BTBD9: variants seen among roughly 807,000 people sequenced by gnomAD.
BTBD9 encodes the protein BTB/POZ domain-containing protein 9.
BTBD9 carries 49 observed loss-of-function variants against 64.3 expected under a neutral mutation model. The ratio of observed to expected loss-of-function variants is 0.76; its 90% confidence interval spans 0.61 to 0.97. BTBD9 has a LOEUF of 0.97. Ranked by LOEUF, BTBD9 falls within the 50% of genes least tolerant of loss-of-function variation. The pLI, the probability that BTBD9 is intolerant of heterozygous loss-of-function variation, is 0.00. For synonymous variants in BTBD9, 260 were observed against 274.7 expected (o/e 0.95, Z 0.53); for missense variants, 598 against 762.1 (o/e 0.78, Z 2.53).
chr6:38,435,104 G>C (rs1317720022), intron 6 of BTBD9, among the ~76,000 whole-genome samples: 1 of 144,372 alleles, frequency 6.9e-6, no homozygotes, highest in Non-Finnish European at 1.5e-5. Context: ...TGAAGCAGGA[G>C]AATAGCTTGA....
chr6:38,406,859 T>A (rs914401629), intron 6 of BTBD9, among the ~76,000 whole-genome samples: 1 of 152,210 alleles, frequency 6.6e-6, no homozygotes, highest in Admixed American at 6.5e-5. Context: ...TGCCTCAGCC[T>A]CCTGAGTAGC....
chr6:38,318,615 A>T (rs1763114471), intron 7 of BTBD9, among the ~76,000 whole-genome samples: 1 of 152,166 alleles, frequency 6.6e-6, no homozygotes, highest in South Asian at 2.1e-4. Flanking sequence ...ACTTTCTCTC[A>T]AACAAATATA....
At chr6:38,451,453 C>T (rs1769540416) in intron 6 of BTBD9, among the ~76,000 whole-genome samples, 1 of 152,142 alleles carries the variant, frequency 6.6e-6, no homozygotes, top group African/African-American at 2.4e-5. Flanking sequence ...TTTCAGCGTT[C>T]TCAGGTAACA....
chr6:38,459,163 T>G (rs2127349452), intron 6 of BTBD9, among the ~76,000 whole-genome samples: 1 of 152,110 alleles, frequency 6.6e-6, no homozygotes. Context: ...GGATTACAGG[T>G]GCGCACCACC....
chr6:38,473,502 C>T (rs191834465), intron 6 of BTBD9, among the ~76,000 whole-genome samples: 1 of 152,246 alleles, frequency 6.6e-6, no homozygotes, highest in East Asian at 1.9e-4. Flanking sequence ...TTCTACCAAC[C>T]GTCTACATTA....
At chr6:38,287,604 T>C (rs958503813) in intron 8 of BTBD9, among the ~76,000 whole-genome samples, 3 of 152,196 alleles carry the variant, frequency 2.0e-5, no homozygotes, top group African/African-American at 7.2e-5. Flanking sequence ...GAACATACCA[T>C]CTAGCCTAGG....
chr6:38,220,133 G>C (rs1763150473), intron 9 of BTBD9, among the ~76,000 whole-genome samples: 1 of 152,246 alleles, frequency 6.6e-6, no homozygotes, highest in Admixed American at 6.5e-5. Context: ...ACATGAGGCT[G>C]AGAACATGGC....
At chr6:38,609,190 C>G (rs1379917943) in intron 1 of BTBD9, among the ~76,000 whole-genome samples, 1 of 151,864 alleles carries the variant, frequency 6.6e-6, no homozygotes, top group Admixed American at 6.6e-5. Context: ...CAAAATGAAA[C>G]CTCATCTCTT....
intron 6 of BTBD9, among the ~76,000 whole-genome samples, chr6:38,448,494 G>A (rs189828792): frequency 3.9e-5 from 6 of 152,204 alleles, no homozygotes; most frequent in Non-Finnish European, 8.8e-5. Context: ...TTCCTATCCC[G>A]CTCTTTTTTT....
intron 1 of BTBD9, among the ~76,000 whole-genome samples, chr6:38,631,205 A>G (rs910727230): frequency 1.3e-5 from 2 of 152,360 alleles, no homozygotes; most frequent in South Asian, 2.1e-4. Flanking sequence ...AACTTTCCTT[A>G]AAATTTAAAA....
chr6:38,212,373 A>G (rs1762863228), intron 9 of BTBD9, among the ~76,000 whole-genome samples: 1 of 152,184 alleles, frequency 6.6e-6, no homozygotes, highest in South Asian at 2.1e-4. Context: ...ACTCTGGGCC[A>G]GCCTGCGCTG....
chr6:38,309,750 A>G (rs1399700707), intron 7 of BTBD9, among the ~76,000 whole-genome samples: 2 of 152,108 alleles, frequency 1.3e-5, no homozygotes, highest in Non-Finnish European at 2.9e-5. Context: ...AATAAAGAAT[A>G]AAGTAGCAGC....
intron 6 of BTBD9, among the ~76,000 whole-genome samples, chr6:38,440,526 T>C (rs910684463): frequency 5.3e-5 from 8 of 152,150 alleles, no homozygotes; most frequent in African/African-American, 1.2e-4. Context: ...CTGTTTGGAA[T>C]AGGTTTCAGA....
chr6:38,433,347 C>G (rs751968869), intron 6 of BTBD9, among the ~76,000 whole-genome samples: 3 of 151,930 alleles, frequency 2.0e-5, no homozygotes, highest in Non-Finnish European at 4.4e-5. Context: ...CATCATATCC[C>G]CTGTGACCTG....
At chr6:38,272,775 C>A (rs1241802001) in intron 8 of BTBD9, among the ~76,000 whole-genome samples, 5 of 152,032 alleles carry the variant, frequency 3.3e-5, no homozygotes, top group Non-Finnish European at 7.4e-5. Flanking sequence ...TTCCTATGAA[C>A]CTTCTAATAA....
chr6:38,192,451 C>A, intron 10 of BTBD9, 68 bp downstream of exon 10: 3 of 1,416,450 alleles, frequency 2.1e-6, no homozygotes, highest in Non-Finnish European at 3.0e-6. Context: ...TTCCACTTAA[C>A]TCAGGATGTA....
chr6:38,376,924 T>C (rs750845112), intron 6 of BTBD9, among the ~76,000 whole-genome samples: 5 of 152,204 alleles, frequency 3.3e-5, no homozygotes, highest in Non-Finnish European at 5.9e-5. Context: ...AAGTGCATTA[T>C]CCTACTTGAT....
intron 6 of BTBD9, among the ~76,000 whole-genome samples, chr6:38,556,016 T>C (rs1774995558): frequency 6.6e-6 from 1 of 152,182 alleles, no homozygotes; most frequent in African/African-American, 2.4e-5. Context: ...AGTTCATTAG[T>C]GAACATTTTT....
At chr6:38,637,040 C>A (rs1778550779) in intron 1 of BTBD9, among the ~76,000 whole-genome samples, 1 of 152,196 alleles carries the variant, frequency 6.6e-6, no homozygotes, top group South Asian at 2.1e-4. Flanking sequence ...TCTTCCACCT[C>A]TACATGTGGC....
Sources: gnomAD v4.1 joint callset for allele counts (sites outside exome capture counted in the v4.1 genomes callset) on GRCh38, gnomAD v4.1.1 for gene constraint, MANE v1.5 for transcripts, NCBI Gene and HGNC (gene_info 2026-07-23, HGNC 2026-07-21) for gene names.